The following COX10 variants were observed in gnomAD, a reference collection of about 807,000 sequenced individuals.
COX10 encodes cytochrome c oxidase assembly factor heme A:farnesyltransferase COX10.
In COX10, 27 loss-of-function variants were observed where a neutral mutation model predicts 37.3. The ratio of observed to expected loss-of-function variants is 0.72; its 90% CI spans 0.53 to 1.00. The LOEUF is 1.00. COX10 is among the 50% of genes least tolerant of loss of function. The pLI, the probability that COX10 is intolerant of heterozygous loss-of-function variation, is 0.00. For missense variants in COX10, 475 were observed against 563.2 expected, an observed-to-expected ratio of 0.84 and a Z score of 1.59; for synonymous variants, 222 against 229.1, an observed-to-expected ratio of 0.97 and a Z score of 0.28.
At chr17:14,206,338 C>G (rs931669815) in intron 6 of COX10, among the ~76,000 whole-genome samples, 1 of 152,130 alleles carries the variant, frequency 6.6e-6, no homozygotes, top group Non-Finnish European at 1.5e-5. Flanking sequence ...TCCCAGCGGG[C>G]GGAAATGGAG....
intron 3 of COX10, among the ~76,000 whole-genome samples, chr17:14,084,536 C>T (rs1915367044): frequency 6.6e-6 from 1 of 152,118 alleles, no homozygotes; most frequent in South Asian, 2.1e-4. Flanking sequence ...TAATATTCTG[C>T]TTATGTCTTT....
At chr17:14,071,041 C>T (rs1225485866) in intron 1 of COX10, among the ~76,000 whole-genome samples, 3 of 152,152 alleles carry the variant, frequency 2.0e-5, no homozygotes, top group Admixed American at 6.6e-5. Flanking sequence ...TTTTAAAGTC[C>T]TGTGATTCTT....
chr17:14,151,172 A>G (rs1904881812), intron 4 of COX10, among the ~76,000 whole-genome samples: 1 of 152,206 alleles, frequency 6.6e-6, no homozygotes, highest in Non-Finnish European at 1.5e-5. Context: ...TGTTTAGGAA[A>G]TGTGGTTTAA....
intron 5 of COX10, among the ~76,000 whole-genome samples, chr17:14,189,306 A>G (rs1000192256): frequency 4.6e-5 from 7 of 152,162 alleles, no homozygotes; most frequent in African/African-American, 1.7e-4. Flanking sequence ...CCATTGGTCC[A>G]CTTAAATCAG....
At chr17:14,123,638 G>A (rs1350324748) in intron 4 of COX10, among the ~76,000 whole-genome samples, 2 of 152,162 alleles carry the variant, frequency 1.3e-5, no homozygotes, top group African/African-American at 4.8e-5. Context: ...TGTTATTTCT[G>A]TAGTCTCTTT....
intron 4 of COX10, among the ~76,000 whole-genome samples, chr17:14,108,384 G>A (rs776309774): frequency 2.1e-4 from 32 of 152,152 alleles, no homozygotes; most frequent in Non-Finnish European, 4.4e-4. Flanking sequence ...TCATAACTTA[G>A]TCTTAGCTTT....
chr17:14,156,836 C>A (rs1042250672), intron 4 of COX10, among the ~76,000 whole-genome samples: 1 of 152,158 alleles, frequency 6.6e-6, no homozygotes, highest in African/African-American at 2.4e-5. Flanking sequence ...CAACTCTGTC[C>A]TTCTACTGCA....
chr17:14,097,108 T>A (rs2142196603), intron 3 of COX10, among the ~76,000 whole-genome samples: 1 of 152,276 alleles, frequency 6.6e-6, no homozygotes, highest in South Asian at 2.1e-4. Flanking sequence ...ATAGATTGCA[T>A]TCACTTTTAA....
intron 5 of COX10, among the ~76,000 whole-genome samples, chr17:14,168,220 C>A (rs150613852): frequency 0.032 from 4,857 of 152,286 alleles, 110 homozygotes; most frequent in African/African-American, 0.056. Context: ...AAAATAATCT[C>A]TTTTGACTCC....
chr17:14,100,755 C>T (rs1915758698), intron 3 of COX10, among the ~76,000 whole-genome samples: 1 of 152,280 alleles, frequency 6.6e-6, no homozygotes, highest in East Asian at 1.9e-4. Context: ...GTGATTTGAT[C>T]TGTTTTCATT....
intron 3 of COX10, among the ~76,000 whole-genome samples, chr17:14,092,266 C>T (rs1306781327): frequency 6.6e-6 from 1 of 152,062 alleles, no homozygotes; most frequent in African/African-American, 2.4e-5. Context: ...CAACCAAATG[C>T]TTCCTGGTGA....
intron 4 of COX10, among the ~76,000 whole-genome samples, chr17:14,138,435 A>G (rs1483611249): frequency 6.6e-6 from 1 of 152,212 alleles, no homozygotes; most frequent in Non-Finnish European, 1.5e-5. Flanking sequence ...TGAAAAGAAC[A>G]AAATCATTTT....
chr17:14,157,419 T>A (rs1445066705), intron 4 of COX10, among the ~76,000 whole-genome samples: 2 of 152,212 alleles, frequency 1.3e-5, no homozygotes, highest in African/African-American at 4.8e-5. Context: ...GCAGGACTGT[T>A]TTCAAAAGGA....
chr17:14,113,099 C>T (rs576925317), intron 4 of COX10, among the ~76,000 whole-genome samples: 6 of 152,142 alleles, frequency 3.9e-5, no homozygotes, highest in Non-Finnish European at 7.4e-5. Flanking sequence ...TCGCTGTCCA[C>T]GTCCGAACTA....
intron 4 of COX10, among the ~76,000 whole-genome samples, chr17:14,121,409 G>A (rs1187231899): frequency 6.6e-6 from 1 of 152,138 alleles, no homozygotes; most frequent in Admixed American, 6.6e-5. Flanking sequence ...TTAGTCACTT[G>A]GGCTTCAAGC....
At chr17:14,077,903 AAGGATC>A (rs1214725474) in intron 3 of COX10, among the ~76,000 whole-genome samples, 1 of 146,822 alleles carries the variant, frequency 6.8e-6, no homozygotes, top group East Asian at 2.0e-4. Flanking sequence ...GAGAGCAGAG[AAGGATC>A]AGGGAAAGAG....
chr17:14,198,506 G>T (rs923164714), intron 6 of COX10, among the ~76,000 whole-genome samples: 2 of 152,196 alleles, frequency 1.3e-5, no homozygotes, highest in African/African-American at 4.8e-5. Context: ...GAGTGGATTT[G>T]CAGTTGCCTT....
intron 5 of COX10, among the ~76,000 whole-genome samples, chr17:14,169,404 A>G (rs1261681390): frequency 2.6e-5 from 4 of 151,814 alleles, no homozygotes; most frequent in Non-Finnish European, 5.9e-5. Flanking sequence ...AGCCCTTCAA[A>G]TTTTTCCAAG....
chr17:14,194,737 T>G (rs887004967), intron 6 of COX10, among the ~76,000 whole-genome samples: 1 of 152,238 alleles, frequency 6.6e-6, no homozygotes. Flanking sequence ...AAATAAATTT[T>G]TTAATGTTGA....
Sources: gnomAD v4.1 joint callset for allele counts (sites outside exome capture counted in the v4.1 genomes callset) on GRCh38, gnomAD v4.1.1 for gene constraint, MANE v1.5 for transcripts, NCBI Gene and HGNC (gene_info 2026-07-23, HGNC 2026-07-21) for gene names.